Variants in AP3S2 observed in about 807,000 individuals in gnomAD.
The protein encoded by AP3S2 is AP-3 complex subunit sigma-2.
Under a neutral mutation model 23.4 loss-of-function variants are expected in AP3S2, and 22 were observed. That is an observed-to-expected ratio of 0.94 (90% confidence interval 0.67 to 1.34). AP3S2 has a LOEUF of 1.34. Ranked by LOEUF, AP3S2 falls within the 40% of genes most tolerant of loss-of-function variation. The pLI is 0.00. For missense variants in AP3S2, 241 were observed against 236.9 expected (o/e 1.02, Z -0.11); for synonymous variants, 86 against 87.1 (o/e 0.99, Z 0.07).
intron 3 of AP3S2, among the ~76,000 whole-genome samples, chr15:89,878,044 A>G (rs771334486): frequency 2.1e-4 from 32 of 152,258 alleles, no homozygotes; most frequent in Non-Finnish European, 4.3e-4. Context: ...TCATACATGC[A>G]TTTTTTTGTG....
chr15:89,867,380 CGCCT>C (rs1377032662), intron 4 of AP3S2, among the ~76,000 whole-genome samples: 2 of 151,552 alleles, frequency 1.3e-5, no homozygotes, highest in African/African-American at 4.8e-5. Context: ...ACCTCCCAGC[CGCCT>C]GCCTTGGCCT....
chr15:89,893,781 G>A, intron 1 of AP3S2, 100 bp downstream of exon 1: 2 of 1,206,176 alleles, frequency 1.7e-6, no homozygotes, highest in South Asian at 1.3e-5. Context: ...AGGAGCCCCA[G>A]GTGACCAAAG....
Position 89,839,557 on chromosome 15 carries a change from G to A in AP3S2, c.346-1835C>T, listed in dbSNP as rs144453822. On this transcript the variant is annotated intron_variant, in intron 4 of 5. Transcript: ENST00000336418. ...AATTATTCCCTGGGGGAATTCCACT[G>A]TTTATACTTCCCCATCAAGAAATAG... Among the ~76,000 whole-genome samples the A allele has an allele frequency of 1.3e-3, 195 of 152,260 alleles. 1 individual carries two copies. The highest frequency in any genetic ancestry group is 4.5e-3 in the African/African-American group (186 of 41,558).
At chr15:89,874,445 A>T (rs1321847647) in intron 3 of AP3S2, among the ~76,000 whole-genome samples, 3 of 152,178 alleles carry the variant, frequency 2.0e-5, no homozygotes, top group Non-Finnish European at 4.4e-5. Flanking sequence ...CTTTCTAGGT[A>T]TCAAAATTCA....
At chr15:89,859,399 C>T (rs200646832) in intron 4 of AP3S2, among the ~76,000 whole-genome samples, 3,015 of 117,654 alleles carry the variant, frequency 0.026, 107 homozygotes, top group African/African-American at 0.064. Flanking sequence ...TTCTTTCTTT[C>T]TTTTTTTTTT....
In AP3S2 at chr15:89,861,296, T is replaced by C. The variant is rs142263539; in HGVS notation, c.345+10179A>G. 6.1e-3 allele frequency among the ~76,000 whole-genome samples: 927 copies of C among 152,228 alleles called. 18 individuals are homozygous for C. The highest frequency in any genetic ancestry group is 0.021 in the African/African-American group (891 of 41,524). On this transcript the variant is annotated intron_variant, in intron 4 of 5. Coordinates refer to ENST00000336418, the MANE Select transcript of AP3S2 (RefSeq NM_005829.5). ...TTCTCTTGAGAGGGCCCACTGCAAA[T>C]TGAAATCTATTTAAAAAAAAATAAA... is the stretch of plus-strand genomic sequence containing the variant.
At chr15:89,863,210 G>C (rs1896044440) in intron 4 of AP3S2, among the ~76,000 whole-genome samples, 1 of 152,116 alleles carries the variant, frequency 6.6e-6, no homozygotes, top group South Asian at 2.1e-4. Flanking sequence ...GTGAATTCTG[G>C]GTAGGACTGA....
chr15:89,882,516 C>G (rs1332125228), intron 3 of AP3S2, among the ~76,000 whole-genome samples: 1 of 152,018 alleles, frequency 6.6e-6, no homozygotes, highest in Non-Finnish European at 1.5e-5. Flanking sequence ...CCACCACACT[C>G]GGCTAATTTT....
intron 3 of AP3S2, chr15:89,876,983 G>A (rs1332509512): frequency 3.5e-6 from 1 of 282,184 alleles, no homozygotes. Flanking sequence ...TGGAAATCCA[G>A]TGAAATTTGC....
intron 4 of AP3S2, among the ~76,000 whole-genome samples, chr15:89,855,870 T>C (rs571903607): frequency 4.9e-5 from 7 of 143,296 alleles, no homozygotes; most frequent in Admixed American, 4.2e-4. Context: ...AAAAAAGGAC[T>C]TTCTCAAAGA....
chr15:89,855,100 G>A (rs1334467129), intron 4 of AP3S2, among the ~76,000 whole-genome samples: 2 of 140,034 alleles, frequency 1.4e-5, no homozygotes, highest in Non-Finnish European at 3.1e-5. Flanking sequence ...GAAAGGTGGG[G>A]AAAAGATTGA....
chr15:89,875,312 G>C (rs574258679), intron 3 of AP3S2, among the ~76,000 whole-genome samples: 1 of 152,214 alleles, frequency 6.6e-6, no homozygotes, highest in African/African-American at 2.4e-5. Flanking sequence ...TAGTTATCCA[G>C]GACAAGATGG....
At chr15:89,859,259 CCTT>C (rs1390765659) in intron 4 of AP3S2, among the ~76,000 whole-genome samples, 1 of 150,558 alleles carries the variant, frequency 6.6e-6, no homozygotes, top group Non-Finnish European at 1.5e-5. Context: ...CTCCTTCCTT[CCTT>C]TTTTTCTTTT....
chr15:89,878,061 A>T (rs999999053), intron 3 of AP3S2, among the ~76,000 whole-genome samples: 2 of 152,142 alleles, frequency 1.3e-5, no homozygotes. Context: ...TGTGTCTGTT[A>T]TCTTGTGTAC....
chr15:89,887,151 A>G (rs1408208735), intron 3 of AP3S2, among the ~76,000 whole-genome samples: 1 of 152,156 alleles, frequency 6.6e-6, no homozygotes, highest in African/African-American at 2.4e-5. Context: ...AGGTTTTAAG[A>G]AAGTATTTAA....
chr15:89,891,615 C>T (rs141547506), intron 1 of AP3S2, among the ~76,000 whole-genome samples: 4 of 150,788 alleles, frequency 2.7e-5, no homozygotes, highest in African/African-American at 9.7e-5. Flanking sequence ...ACCGAGATCA[C>T]GCCACTGCAG....
chr15:89,838,705 T>A (rs542539725), intron 4 of AP3S2, among the ~76,000 whole-genome samples: 8 of 152,254 alleles, frequency 5.3e-5, no homozygotes, highest in African/African-American at 1.7e-4. Flanking sequence ...GGGATAGTCC[T>A]GGGGAAGTCA....
At chr15:89,875,320 T>C (rs1333751704) in intron 3 of AP3S2, among the ~76,000 whole-genome samples, 3 of 152,198 alleles carry the variant, frequency 2.0e-5, no homozygotes, top group Admixed American at 2.0e-4. Context: ...CAGGACAAGA[T>C]GGACTAGCCC....
Position 89,891,796 on chromosome 15 carries a change from G to GTGCAGCCAC in AP3S2, c.69+2076_69+2084dup, listed in dbSNP as rs534779667. Among the ~76,000 whole-genome samples the GTGCAGCCAC allele has an allele frequency of 6.0e-4, 91 of 152,254 alleles. No individual in the cohort carries two copies. In the South Asian group the frequency reaches 0.012, roughly 21 times the overall value. On this transcript the variant is annotated intron_variant, in intron 1 of 5. Transcript: ENST00000336418. ...ACATTGCTGATGGAAATGTAAAATGGTGCAGCCACTTGGAAAATTTGTCAA... is the reference window on the plus strand; with the variant it reads ...ACATTGCTGATGGAAATGTAAAATGGTGCAGCCACTGCAGCCACTTGGAAAATTTGTCAA...
Sources: gnomAD v4.1 joint callset for allele counts (sites outside exome capture counted in the v4.1 genomes callset) on GRCh38, gnomAD v4.1.1 for gene constraint, MANE v1.5 for transcripts, NCBI Gene and HGNC (gene_info 2026-07-23, HGNC 2026-07-21) for gene names.